The following DLC1 variants were observed in gnomAD, a reference collection of about 807,000 sequenced individuals.
DLC1 encodes the protein rho GTPase-activating protein 7.
In DLC1, 54 loss-of-function variants were observed where a neutral mutation model predicts 140.3. The ratio of observed to expected loss-of-function variants is 0.38; its 90% CI spans 0.31 to 0.48. The LOEUF (loss-of-function observed/expected upper bound fraction) is 0.48, where lower values mean the gene tolerates loss of function less well. Among genes scored for constraint, DLC1 ranks in the 20% least tolerant of loss-of-function variants. The pLI, the probability that DLC1 is intolerant of heterozygous loss-of-function variation, is 0.96. For synonymous variants in DLC1, 986 were observed against 728.1 expected (o/e 1.35, Z -5.70); for missense variants, 2,536 against 1,907.0 (o/e 1.33, Z -6.14).
chr8:13,535,206 G>A (rs1014756761), intron 1 of DLC1, among the ~76,000 whole-genome samples: 1 of 151,900 alleles, frequency 6.6e-6, no homozygotes, highest in Admixed American at 6.6e-5. Flanking sequence ...AAAATAAGTC[G>A]GGACAAGGGT....
chr8:13,390,901 C>T (rs558336866), intron 4 of DLC1, among the ~76,000 whole-genome samples: 1 of 151,046 alleles, frequency 6.6e-6, no homozygotes, highest in African/African-American at 2.4e-5. Flanking sequence ...GGCAGAATGC[C>T]GTGAACCCAG....
chr8:13,601,235 T>C (rs1173544818), intron 1 of DLC1, among the ~76,000 whole-genome samples: 2 of 151,844 alleles, frequency 1.3e-5, no homozygotes, highest in Non-Finnish European at 2.9e-5. Context: ...CTAGGTCTTG[T>C]CTGTGATATT....
chr8:13,454,171 T>A (rs1214581706), intron 2 of DLC1, among the ~76,000 whole-genome samples: 1 of 152,162 alleles, frequency 6.6e-6, no homozygotes, highest in Non-Finnish European at 1.5e-5. Flanking sequence ...AACAAATGTT[T>A]GTCCAACAAA....
Position 13,499,625 on chromosome 8 carries a change from CT to C in DLC1, c.446del (p.Lys149ArgfsTer18). ...HMIQGAGSLE[K>X]ALPIIQSNQV... is the part of the protein sequence containing the mutation. ...GGTTACTTTGTATGATGGGCAGTGC[CT>C]TTTCTAAGGAGCCTGCTCCTTGGAT... On this transcript the variant is annotated frameshift_variant, in exon 2 of 18. Transcript: ENST00000276297. LOFTEE classifies it high-confidence loss of function. 1 of 1,614,118 alleles carries C rather than the reference CT, an allele frequency of 6.2e-7. No individual in the cohort carries two copies. The highest frequency in any genetic ancestry group is 1.1e-5 in the South Asian group (1 of 91,072).
At chr8:13,405,288 C>T (rs1837476305) in intron 2 of DLC1, among the ~76,000 whole-genome samples, 1 of 152,066 alleles carries the variant, frequency 6.6e-6, no homozygotes, top group African/African-American at 2.4e-5. Context: ...CAACCCTTGC[C>T]TCCCTCCCTC....
intron 4 of DLC1, among the ~76,000 whole-genome samples, chr8:13,365,949 C>T (rs1265792929): frequency 6.6e-6 from 1 of 152,064 alleles, no homozygotes; most frequent in African/African-American, 2.4e-5. Flanking sequence ...TCATCTTCCG[C>T]AAAGAGAGGG....
At chr8:13,437,453 G>A (rs1204996479) in intron 2 of DLC1, among the ~76,000 whole-genome samples, 2 of 152,112 alleles carry the variant, frequency 1.3e-5, no homozygotes, top group East Asian at 1.9e-4. Context: ...CATAGAGTTC[G>A]ATCGTATGCA....
chr8:13,270,179 A>G lies in DLC1; in HGVS notation c.1348+35090T>C, dbSNP rs562911019. On this transcript the variant is annotated intron_variant, in intron 5 of 17. Transcript: ENST00000276297. ...TTTTAAATCCAGTCTTTGCTTTATG[A>G]GATAGCCTCAGATCCTTAAGTAGAT... Among the ~76,000 whole-genome samples the G allele has an allele frequency of 4.6e-5, 7 of 152,354 alleles. No homozygotes were observed. The East Asian group carries it at 1.3e-3, about 29-fold the overall frequency.
intron 5 of DLC1, chr8:13,133,107 G>T: frequency 6.8e-7 from 1 of 1,480,876 alleles, no homozygotes; most frequent in Non-Finnish European, 9.0e-7. Context: ...ACGCATCCTT[G>T]CTCGCCGCTC....
intron 4 of DLC1, among the ~76,000 whole-genome samples, chr8:13,392,636 G>A (rs1003938065): frequency 6.6e-6 from 1 of 152,048 alleles, no homozygotes; most frequent in Admixed American, 6.6e-5. Context: ...GGTTATTTTG[G>A]AACTACTGGG....
intron 4 of DLC1, among the ~76,000 whole-genome samples, chr8:13,361,907 C>T (rs1253502842): frequency 6.6e-6 from 1 of 152,162 alleles, no homozygotes; most frequent in African/African-American, 2.4e-5. Context: ...AAATAGTGAT[C>T]TGAATGCTAG....
At chr8:13,567,555 G>A (rs1327643814) in intron 1 of DLC1, 3 of 1,551,780 alleles carry the variant, frequency 1.9e-6, no homozygotes, top group Admixed American at 3.9e-5. Flanking sequence ...CAAAACAGGA[G>A]GCAGCAGCTA....
intron 4 of DLC1, among the ~76,000 whole-genome samples, chr8:13,359,595 T>C (rs1045692836): frequency 1.3e-5 from 2 of 152,184 alleles, no homozygotes; most frequent in African/African-American, 2.4e-5. Flanking sequence ...TCCAGTGATG[T>C]GACATTTGTC....
intron 7 of DLC1, among the ~76,000 whole-genome samples, chr8:13,105,192 G>A (rs1294971657): frequency 2.6e-5 from 4 of 152,142 alleles, no homozygotes; most frequent in East Asian, 1.9e-4. Flanking sequence ...GTTCTATAAA[G>A]GTCAACATTA....
chr8:13,307,138 T>G (rs895566913), intron 4 of DLC1, among the ~76,000 whole-genome samples: 2 of 148,732 alleles, frequency 1.3e-5, no homozygotes, highest in Non-Finnish European at 3.0e-5. Flanking sequence ...TTTGGCAAGA[T>G]TAATTTGTAC....
chr8:13,208,137 A>C (rs6997092), intron 5 of DLC1, among the ~76,000 whole-genome samples: 61,949 of 152,022 alleles, frequency 0.41, 14,013 homozygotes, highest in East Asian at 0.84. Context: ...ACATGTATAT[A>C]TCTTTAAGGC....
At chr8:13,501,823 A>G (rs373130494) in intron 1 of DLC1, among the ~76,000 whole-genome samples, 8 of 152,220 alleles carry the variant, frequency 5.3e-5, no homozygotes, top group East Asian at 1.9e-4. Flanking sequence ...TCTGAATTCC[A>G]TGCATAAGTC....
At chr8:13,088,281 T>A (rs750695781) in intron 16 of DLC1, among the ~76,000 whole-genome samples, 3 of 152,146 alleles carry the variant, frequency 2.0e-5, no homozygotes, top group Non-Finnish European at 4.4e-5. Context: ...AGGGTCTTGC[T>A]ATATTACCCA....
intron 4 of DLC1, among the ~76,000 whole-genome samples, chr8:13,348,548 A>G (rs1053963809): frequency 6.6e-6 from 1 of 152,236 alleles, no homozygotes; most frequent in African/African-American, 2.4e-5. Context: ...TCCATAAGAA[A>G]GATGATGAAC....
Sources: gnomAD v4.1 joint callset for allele counts (sites outside exome capture counted in the v4.1 genomes callset) on GRCh38, gnomAD v4.1.1 for gene constraint, MANE v1.5 for transcripts, NCBI Gene and HGNC (gene_info 2026-07-23, HGNC 2026-07-21) for gene names.